SLC39A11: variants seen among roughly 807,000 people sequenced by gnomAD.
SLC39A11 encodes the protein zinc transporter ZIP11.
In SLC39A11, 33 loss-of-function variants were observed where a neutral mutation model predicts 36.1. The ratio of observed to expected loss-of-function variants is 0.91; its 90% CI spans 0.69 to 1.22. The LOEUF is 1.22. Among genes scored for constraint, SLC39A11 ranks in the 50% most tolerant of loss-of-function variants. The pLI is 0.00. For synonymous variants in SLC39A11, 166 were observed against 170.3 expected (o/e 0.97, Z 0.20); for missense variants, 432 against 430.3 (o/e 1.00, Z -0.03).
intron 6 of SLC39A11, among the ~76,000 whole-genome samples, chr17:72,771,632 A>G (rs956394576): frequency 3.9e-5 from 6 of 152,180 alleles, no homozygotes; most frequent in African/African-American, 1.4e-4. Context: ...AATGGGTGAT[A>G]AAGTGCACAG....
chr17:72,810,083 AC>A (rs1257359221), intron 6 of SLC39A11, among the ~76,000 whole-genome samples: 1,210 of 58,232 alleles, frequency 0.021, 12 homozygotes, highest in African/African-American at 0.065. Context: ...AACAAAAACA[AC>A]AAAAAAAAAA....
intron 5 of SLC39A11, among the ~76,000 whole-genome samples, chr17:72,861,740 TTATATATATATATATATA>T (rs71945815): frequency 0.045 from 3,050 of 67,210 alleles, 171 homozygotes; most frequent in African/African-American, 0.12. Context: ...ACATTGGAGA[TTATATATATATATATATA>T]TATATATATA....
intron 6 of SLC39A11, among the ~76,000 whole-genome samples, chr17:72,816,377 C>T (rs1297928323): frequency 2.0e-5 from 3 of 151,828 alleles, no homozygotes; most frequent in African/African-American, 7.3e-5. Context: ...TTCTTCCCAC[C>T]CTCATTCTCC....
At chr17:73,008,921 C>T (rs899824212) in intron 4 of SLC39A11, among the ~76,000 whole-genome samples, 4 of 151,818 alleles carry the variant, frequency 2.6e-5, no homozygotes, top group Non-Finnish European at 5.9e-5. Flanking sequence ...AATAGGCAGG[C>T]GTGGCAGCAC....
At chr17:72,922,758 A>C (rs1033679533) in intron 5 of SLC39A11, among the ~76,000 whole-genome samples, 7 of 152,128 alleles carry the variant, frequency 4.6e-5, no homozygotes, top group Non-Finnish European at 7.4e-5. Context: ...ACTTAAGGTC[A>C]AGAGTTTGAG....
intron 7 of SLC39A11, among the ~76,000 whole-genome samples, chr17:72,702,755 G>A (rs1047591419): frequency 6.6e-5 from 10 of 151,690 alleles, no homozygotes; most frequent in African/African-American, 1.7e-4. Context: ...TGGCCAACAC[G>A]GTGAAACTCC....
intron 4 of SLC39A11, among the ~76,000 whole-genome samples, chr17:72,991,418 C>T (rs1045361459): frequency 3.3e-5 from 5 of 151,362 alleles, no homozygotes; most frequent in Middle Eastern, 3.4e-3. Context: ...GGTGCAGTGG[C>T]GTGATCTCGG....
chr17:72,695,119 T>C (rs562332288), intron 7 of SLC39A11, among the ~76,000 whole-genome samples: 11 of 152,184 alleles, frequency 7.2e-5, no homozygotes, highest in Non-Finnish European at 1.3e-4. Flanking sequence ...CCAAGAAGGG[T>C]AGAAACGGGA....
At chr17:72,662,650 A>AGAGAAAG (rs1567918195) in intron 7 of SLC39A11, among the ~76,000 whole-genome samples, 7 of 150,316 alleles carry the variant, frequency 4.7e-5, no homozygotes, top group Non-Finnish European at 7.4e-5. Context: ...AAAGAAAAAG[A>AGAGAAAG]AAAAAGAAAA....
intron 7 of SLC39A11, among the ~76,000 whole-genome samples, chr17:72,728,802 T>G (rs895599442): frequency 6.6e-6 from 1 of 151,750 alleles, no homozygotes; most frequent in Non-Finnish European, 1.5e-5. Flanking sequence ...GTAAATGGAG[T>G]CCTTCTTCCC....
intron 3 of SLC39A11, among the ~76,000 whole-genome samples, chr17:73,080,634 T>C (rs1375383720): frequency 6.6e-6 from 1 of 152,148 alleles, no homozygotes; most frequent in African/African-American, 2.4e-5. Context: ...GATAAACAGA[T>C]AAGACTTTTA....
chr17:73,005,034 C>A (rs1598813367), intron 4 of SLC39A11, among the ~76,000 whole-genome samples: 2 of 152,298 alleles, frequency 1.3e-5, no homozygotes. Flanking sequence ...CTCGCTCCTT[C>A]CCCCAGGCTG....
chr17:72,715,501 T>C (rs977965552), intron 7 of SLC39A11, among the ~76,000 whole-genome samples: 1 of 152,182 alleles, frequency 6.6e-6, no homozygotes, highest in African/African-American at 2.4e-5. Context: ...TACAACATGA[T>C]GACCCCTGAG....
intron 6 of SLC39A11, among the ~76,000 whole-genome samples, chr17:72,781,905 C>A (rs1010573299): frequency 1.3e-5 from 2 of 149,310 alleles, no homozygotes; most frequent in South Asian, 2.1e-4. Context: ...AAAAAAAATT[C>A]TATTTATAAA....
intron 6 of SLC39A11, among the ~76,000 whole-genome samples, chr17:72,835,725 A>C (rs2078506916): frequency 6.6e-6 from 1 of 152,096 alleles, no homozygotes; most frequent in African/African-American, 2.4e-5. Context: ...CCTCCCAACG[A>C]TACACTCTGA....
chr17:73,085,195 G>A (rs1221037474), intron 2 of SLC39A11, among the ~76,000 whole-genome samples: 2 of 152,048 alleles, frequency 1.3e-5, no homozygotes, highest in African/African-American at 4.8e-5. Flanking sequence ...AGGAGCAGAG[G>A]AGCAGGTGGA....
chr17:73,045,023 A>G (rs949399108), intron 3 of SLC39A11, among the ~76,000 whole-genome samples: 3 of 152,106 alleles, frequency 2.0e-5, no homozygotes, highest in African/African-American at 7.2e-5. Context: ...TTAAGTCTCA[A>G]AAAGGCTACC....
chr17:73,044,193 C>T (rs940903941), intron 3 of SLC39A11, among the ~76,000 whole-genome samples: 2 of 152,138 alleles, frequency 1.3e-5, no homozygotes, highest in African/African-American at 4.8e-5. Flanking sequence ...CATTCCTCTC[C>T]TTGTTCCCCA....
chr17:72,745,738 T>G (rs985474665), intron 6 of SLC39A11, among the ~76,000 whole-genome samples: 2 of 152,188 alleles, frequency 1.3e-5, no homozygotes, highest in African/African-American at 4.8e-5. Flanking sequence ...GTTTTAGAAG[T>G]TATAGCCAGA....
Sources: allele counts gnomAD v4.1 joint callset (sites outside exome capture counted in the v4.1 genomes callset), GRCh38; gene constraint gnomAD v4.1.1; transcripts MANE v1.5; gene names NCBI Gene and HGNC (gene_info 2026-07-23, HGNC 2026-07-21).